The following RAPH1 variants were observed in gnomAD, a reference collection of about 807,000 sequenced individuals.
RAPH1 encodes the protein Ras association (RalGDS/AF-6) and pleckstrin homology domains 1.
A neutral mutation model predicts 88.1 loss-of-function variants in RAPH1; 18 were observed. The ratio of observed to expected loss-of-function variants is 0.20; its 90% confidence interval spans 0.14 to 0.30. The LOEUF (loss-of-function observed/expected upper bound fraction) is 0.30, where lower values mean the gene tolerates loss of function less well. Ranked by LOEUF, RAPH1 falls within the 10% of genes least tolerant of loss-of-function variation. RAPH1 has a pLI of 1.00. For synonymous variants in RAPH1, 587 were observed against 559.0 expected (o/e 1.05, Z -0.71); for missense variants, 1,448 against 1,543.2 (o/e 0.94, Z 1.03).
intron 1 of RAPH1, among the ~76,000 whole-genome samples, chr2:203,532,039 T>C (rs920829735): frequency 2.0e-5 from 3 of 152,056 alleles, no homozygotes; most frequent in African/African-American, 7.2e-5. Flanking sequence ...TATTAATCAG[T>C]CTGAAAAAGG....
chr2:203,502,603 C>CCT (rs1367589186), intron 1 of RAPH1, among the ~76,000 whole-genome samples: 38 of 149,756 alleles, frequency 2.5e-4, no homozygotes, highest in East Asian at 6.0e-4. Flanking sequence ...GGGCGGATCA[C>CCT]GAGGTCAGGA....
In RAPH1 at chr2:203,524,216, G is replaced by C. The variant is rs183954721; in HGVS notation, c.-1+10895C>G. Among the ~76,000 whole-genome samples, 562 of 152,178 alleles carry C rather than the reference G, an allele frequency of 3.7e-3. 2 individuals are homozygous for C. Among genetic ancestry groups the C allele is most frequent in the Non-Finnish European group, 5.6e-3 (380 of 67,998 alleles). On this transcript the variant is annotated intron_variant, in intron 1 of 13. Coordinates refer to ENST00000319170, the MANE Select transcript of RAPH1 (RefSeq NM_213589.3). ...TCAACATCAATAATAATCAGCGAAA[G>C]GTGAATTAAAGCTACGGTTATATCA... is the stretch of plus-strand genomic sequence containing the variant.
chr2:203,488,941 T>C (rs888871286), intron 4 of RAPH1, among the ~76,000 whole-genome samples: 34 of 152,116 alleles, frequency 2.2e-4, no homozygotes, highest in Non-Finnish European at 4.4e-5. Context: ...CTGGCCAACA[T>C]GGTGAAATCC....
chr2:203,439,362 C>T lies in RAPH1; in HGVS notation c.*75G>A, dbSNP rs1284843198. 2 of 1,446,984 alleles carry T rather than the reference C, an allele frequency of 1.4e-6. No individual in the cohort carries two copies. Among genetic ancestry groups the T allele is most frequent in the African/African-American group, 2.8e-5 (2 of 71,346 alleles). The allele number at this position is 1,446,984 out of a possible 1,614,324, so 89.6% of individuals were successfully genotyped here. ...CATCATACCAGGAGGCTCTGAACAC[C>T]TGAATTCACAGATGATCAGGTGAGC... On this transcript the variant is annotated 3_prime_UTR_variant, in exon 14 of 14. Transcript: ENST00000319170.
rs2098498968 is a variant in RAPH1 at position 203,436,923 on chromosome 2, T to G, written c.*2514A>C. 6.6e-6 allele frequency: 1 copy of G among 152,248 alleles called. No homozygotes were observed. The highest frequency in any genetic ancestry group is 2.4e-5 in the African/African-American group (1 of 41,468). 9.4% of individuals were successfully genotyped at this position (152,248 alleles called of 1,614,324 possible). ...CACTTTAGTGGTTTTTTAAATTCAG[T>G]TCATACATGAGGTTAAAACATTTTT... On this transcript the variant is annotated 3_prime_UTR_variant, in exon 14 of 14. Coordinates refer to ENST00000319170, the MANE Select transcript of RAPH1 (RefSeq NM_213589.3).
rs1465017402 is a variant in RAPH1 at position 203,489,620 on chromosome 2, C to T, written c.696G>A (p.Glu232=). The change falls in exon 4 of 14, where the codon GAG becomes GAA. Residue 232 remains glutamate, a synonymous_variant. Transcript: ENST00000319170. The stretch of plus-strand genomic sequence containing the variant: ...GCTGCCCTTGATGTGTCAAATCCAG[C>T]TCTTGAGGGCGTGTTACTTTATCAA... The part of the protein sequence containing the change: ...LDIDKVTRPQ[E]LDLTHQGQPI... The T allele has an allele frequency of 1.2e-6, 2 of 1,605,386 alleles. No individual in the cohort carries two copies. The highest frequency in any genetic ancestry group is 2.2e-5 in the South Asian group (2 of 89,414).
chr2:203,525,842 TTTAA>T (rs1183583455), intron 1 of RAPH1, among the ~76,000 whole-genome samples: 1 of 152,178 alleles, frequency 6.6e-6, no homozygotes, highest in Non-Finnish European at 1.5e-5. Context: ...ATGGTTATGA[TTTAA>T]TTAATACAAA....
intron 4 of RAPH1, chr2:203,477,196 A>C (rs1559472810): frequency 2.0e-6 from 3 of 1,501,660 alleles, no homozygotes; most frequent in Admixed American, 1.7e-5. Flanking sequence ...TAGGTAAAGG[A>C]GGTGAAACGG....
intron 1 of RAPH1, among the ~76,000 whole-genome samples, chr2:203,507,046 G>A (rs1689121351): frequency 6.7e-6 from 1 of 149,896 alleles, no homozygotes; most frequent in African/African-American, 2.5e-5. Flanking sequence ...ACAGGCGCCT[G>A]CCACCACACC....
intron 7 of RAPH1, among the ~76,000 whole-genome samples, chr2:203,459,566 G>A (rs1442805746): frequency 6.6e-6 from 1 of 152,148 alleles, no homozygotes; most frequent in East Asian, 1.9e-4. Context: ...TTGATGAGAT[G>A]ACAAACTCAC....
At chr2:203,470,274 T>G in intron 4 of RAPH1, 1 of 1,612,740 alleles carries the variant, frequency 6.2e-7, no homozygotes, top group South Asian at 1.1e-5. Flanking sequence ...CCTGCAATGT[T>G]TCTCAGAAGA....
chr2:203,482,898 C>T (rs1687794186), intron 4 of RAPH1, among the ~76,000 whole-genome samples: 3 of 152,042 alleles, frequency 2.0e-5, no homozygotes, highest in Non-Finnish European at 4.4e-5. Context: ...TCAAAGAACG[C>T]CTCAATAAGA....
At chr2:203,488,305 T>A (rs1445237142) in intron 4 of RAPH1, among the ~76,000 whole-genome samples, 1 of 151,862 alleles carries the variant, frequency 6.6e-6, no homozygotes, top group Non-Finnish European at 1.5e-5. Flanking sequence ...GATATAGTAT[T>A]ACGAACTCTG....
At chr2:203,529,872 CTT>C (rs1285072043) in intron 1 of RAPH1, among the ~76,000 whole-genome samples, 3 of 152,104 alleles carry the variant, frequency 2.0e-5, no homozygotes, top group Non-Finnish European at 4.4e-5. Flanking sequence ...CTTTTGTAAA[CTT>C]TATCTGTTCA....
intron 1 of RAPH1, among the ~76,000 whole-genome samples, chr2:203,509,704 A>G (rs956247905): frequency 6.6e-6 from 1 of 152,156 alleles, no homozygotes; most frequent in African/African-American, 2.4e-5. Context: ...TGCAAATCTC[A>G]TGTCAAATGT....
intron 2 of RAPH1, 89 bp from the exon 3 acceptor site, chr2:203,491,408 T>G (rs1052619212): frequency 1.0e-5 from 8 of 781,336 alleles, no homozygotes; most frequent in Non-Finnish European, 1.6e-5. Context: ...TTAAGTGAAC[T>G]GCCACACTAT....
intron 4 of RAPH1, among the ~76,000 whole-genome samples, chr2:203,473,525 G>C (rs1315748358): frequency 6.6e-6 from 1 of 152,092 alleles, no homozygotes; most frequent in Non-Finnish European, 1.5e-5. Flanking sequence ...AGAAATTGTG[G>C]TTTTGGTTCA....
At chr2:203,442,009 G>A (rs370029579) in intron 13 of RAPH1, 26 of 1,556,378 alleles carry the variant, frequency 1.7e-5, no homozygotes, top group Non-Finnish European at 2.1e-5. Context: ...GTTGGTGTGA[G>A]ACAATTGCAT....
Position 203,440,093 on chromosome 2 carries a change from A to G in RAPH1, c.3097T>C (p.Ser1033Pro), listed in dbSNP as rs914753399. 7.4e-6 allele frequency: 12 copies of G among 1,613,320 alleles called. No individual in the cohort carries two copies. Among genetic ancestry groups the G allele is most frequent in the Non-Finnish European group, 9.3e-6 (11 of 1,180,006 alleles). ...APPKPGKLNL[S>P]GVNLPGVLQQ... ...AGAACTCCAGGAAGGTTGACTCCAG[A>G]AAGATTGAGTTTTCCAGGCTTGGGG... Residue 1033 changes from serine to proline, a missense_variant, in exon 14 of 14, where the codon TCT (serine) becomes CCT (proline). Coordinates refer to ENST00000319170, the MANE Select transcript of RAPH1 (RefSeq NM_213589.3).
Sources: gnomAD v4.1 joint callset for allele counts (sites outside exome capture counted in the v4.1 genomes callset) on GRCh38, gnomAD v4.1.1 for gene constraint, MANE v1.5 for transcripts, NCBI Gene and HGNC (gene_info 2026-07-23, HGNC 2026-07-21) for gene names.